The following RTN1 variants were observed in gnomAD, a reference collection of about 807,000 sequenced individuals.
RTN1 encodes the protein reticulon-1.
RTN1 carries 25 observed loss-of-function variants against 65.5 expected under a neutral mutation model. The observed-to-expected ratio is 0.38, with a 90% CI of 0.28 to 0.53. The LOEUF (loss-of-function observed/expected upper bound fraction) is 0.53. Ranked by LOEUF, RTN1 falls within the 20% of genes least tolerant of loss-of-function variation. RTN1 has a pLI of 0.79. For missense variants in RTN1, 983 were observed against 1,025.4 expected, an observed-to-expected ratio of 0.96 and a Z score of 0.57; for synonymous variants, 471 against 447.6, an observed-to-expected ratio of 1.05 and a Z score of -0.66.
At chr14:59,603,766 TAAAC>T in intron 6 of RTN1, 82 bp downstream of exon 6, 3 of 1,060,810 alleles carry the variant, frequency 2.8e-6, no homozygotes, top group Non-Finnish European at 4.3e-6. Context: ...GGAATCTCTT[TAAAC>T]AAACAAAAAG....
At chr14:59,857,553 C>T (rs1400097843) in intron 1 of RTN1, among the ~76,000 whole-genome samples, 1 of 152,208 alleles carries the variant, frequency 6.6e-6, no homozygotes, top group Admixed American at 6.5e-5. Context: ...GTGTTAGTCA[C>T]AAAGTCCTGT....
intron 3 of RTN1, chr14:59,607,728 T>C (rs1373639229): frequency 1.9e-6 from 1 of 535,552 alleles, no homozygotes; most frequent in African/African-American, 1.9e-5. Flanking sequence ...AAGAAAAGAC[T>C]ATTGAATCTC....
At position 59,751,573 on chromosome 14, in the gene RTN1, T is replaced by C. The variant is rs1885523523; in HGVS notation, c.242-5092A>G. 2.0e-5 allele frequency among the ~76,000 whole-genome samples: 3 copies of C among 152,156 alleles called. No homozygotes were observed. The South Asian group carries it at 6.2e-4, about 32-fold the overall frequency. ...GAGAGAAGGGGTTTGTCCATATAAA[T>C]GAATAGTCTGGAGAGGTGGGGAGTG... On this transcript the variant is annotated intron_variant, in intron 1 of 8. Coordinates refer to ENST00000267484, the MANE Select transcript of RTN1 (RefSeq NM_021136.3).
At chr14:59,839,827 T>C (rs978248186) in intron 1 of RTN1, among the ~76,000 whole-genome samples, 2 of 152,148 alleles carry the variant, frequency 1.3e-5, no homozygotes, top group African/African-American at 4.8e-5. Flanking sequence ...TGAATTTCCT[T>C]TGTAGAAATA....
chr14:59,751,789 T>G (rs1264955770), intron 1 of RTN1, among the ~76,000 whole-genome samples: 1 of 152,142 alleles, frequency 6.6e-6, no homozygotes, highest in Admixed American at 6.5e-5. Flanking sequence ...CGGGGTTATC[T>G]CACTAAACAC....
At chr14:59,658,016 A>C (rs1490773960) in intron 3 of RTN1, among the ~76,000 whole-genome samples, 1 of 152,226 alleles carries the variant, frequency 6.6e-6, no homozygotes, top group Non-Finnish European at 1.5e-5. Context: ...CATTGCGAGC[A>C]CAGCAGTCTG....
chr14:59,690,965 C>T (rs1301105721), intron 3 of RTN1, among the ~76,000 whole-genome samples: 1 of 152,090 alleles, frequency 6.6e-6, no homozygotes, highest in Non-Finnish European at 1.5e-5. Flanking sequence ...GTTTAAGGTG[C>T]TAAATGCCTA....
chr14:59,814,881 A>G (rs1886793252), intron 1 of RTN1, among the ~76,000 whole-genome samples: 1 of 152,192 alleles, frequency 6.6e-6, no homozygotes, highest in South Asian at 2.1e-4. Context: ...GTTCAGTGTG[A>G]TTTTCTCATA....
At chr14:59,679,338 C>G (rs1360634536) in intron 3 of RTN1, among the ~76,000 whole-genome samples, 2 of 152,148 alleles carry the variant, frequency 1.3e-5, no homozygotes, top group Admixed American at 6.5e-5. Context: ...CCCATACACC[C>G]TTTGACTTAG....
chr14:59,681,407 C>T (rs1445375890), intron 3 of RTN1, among the ~76,000 whole-genome samples: 3 of 151,720 alleles, frequency 2.0e-5, no homozygotes, highest in Non-Finnish European at 4.4e-5. Flanking sequence ...TTGAAAATGC[C>T]AAAATGTTCT....
At chr14:59,769,428 C>T (rs994495272) in intron 1 of RTN1, among the ~76,000 whole-genome samples, 2 of 152,064 alleles carry the variant, frequency 1.3e-5, no homozygotes, top group African/African-American at 4.8e-5. Flanking sequence ...TAATAAATGA[C>T]ATATATTTTT....
At chr14:59,714,550 C>T (rs1884494146) in intron 3 of RTN1, among the ~76,000 whole-genome samples, 1 of 152,176 alleles carries the variant, frequency 6.6e-6, no homozygotes, top group Non-Finnish European at 1.5e-5. Context: ...GAGGAAAAGG[C>T]ACAACTGCAT....
chr14:59,599,790 C>T (rs1221085837), intron 8 of RTN1, among the ~76,000 whole-genome samples: 3 of 152,166 alleles, frequency 2.0e-5, no homozygotes, highest in Non-Finnish European at 4.4e-5. Context: ...AATATAACAT[C>T]TAGAATCTTT....
chr14:59,705,583 T>G (rs915404037), intron 3 of RTN1, among the ~76,000 whole-genome samples: 4 of 152,218 alleles, frequency 2.6e-5, no homozygotes, highest in Non-Finnish European at 5.9e-5. Flanking sequence ...GTCATTATTT[T>G]GCTAATGTTT....
At chr14:59,689,611 C>T (rs1454719914) in intron 3 of RTN1, among the ~76,000 whole-genome samples, 3 of 152,204 alleles carry the variant, frequency 2.0e-5, no homozygotes, top group African/African-American at 7.2e-5. Flanking sequence ...GCGGACTTCT[C>T]AGCAGAAACC....
At position 59,828,490 on chromosome 14, in the gene RTN1, G is replaced by A. The variant is rs536064033; in HGVS notation, c.241+41900C>T. 3.3e-5 allele frequency among the ~76,000 whole-genome samples: 5 copies of A among 152,306 alleles called. No homozygotes were observed. In the East Asian group the frequency reaches 9.7e-4, roughly 29 times the overall value. Reference sequence around the variant, plus strand: ...CAGAGGGAAGACTGGACAGAGATCTGAAAGAAGAAATCGGTGGGGATGAGC... The same window carrying A: ...CAGAGGGAAGACTGGACAGAGATCTAAAAGAAGAAATCGGTGGGGATGAGC... On this transcript the variant is annotated intron_variant, in intron 1 of 8. Coordinates refer to ENST00000267484, the MANE Select transcript of RTN1 (RefSeq NM_021136.3).
intron 1 of RTN1, among the ~76,000 whole-genome samples, chr14:59,780,220 T>A (rs1157209772): frequency 6.6e-6 from 1 of 152,164 alleles, no homozygotes; most frequent in Admixed American, 6.5e-5. Context: ...ATATTTTCGG[T>A]GCCACAAAGG....
intron 4 of RTN1, among the ~76,000 whole-genome samples, chr14:59,606,377 C>G (rs1881754642): frequency 6.6e-6 from 1 of 152,116 alleles, no homozygotes; most frequent in Non-Finnish European, 1.5e-5. Context: ...GAAATCTTAA[C>G]CCCCTATGTG....
chr14:59,617,994 C>T (rs1811861), intron 3 of RTN1, among the ~76,000 whole-genome samples: 145,012 of 152,258 alleles, frequency 0.95, 69,300 homozygotes, highest in South Asian at 1. Flanking sequence ...AAGGGAAGGA[C>T]TGAAACGGCC....
Sources: gnomAD v4.1 joint callset for allele counts (sites outside exome capture counted in the v4.1 genomes callset) on GRCh38, gnomAD v4.1.1 for gene constraint, MANE v1.5 for transcripts, NCBI Gene and HGNC (gene_info 2026-07-23, HGNC 2026-07-21) for gene names.